The following GALNTL6 variants were observed in gnomAD, a reference collection of about 807,000 sequenced individuals.
GALNTL6 encodes the protein polypeptide N-acetylgalactosaminyltransferase like 6, also known as polypeptide N-acetylgalactosaminyltransferase-like 6.
A neutral mutation model predicts 73.7 loss-of-function variants in GALNTL6; 46 were observed. That is an observed-to-expected ratio of 0.62 (90% CI 0.49 to 0.80). The LOEUF (loss-of-function observed/expected upper bound fraction) is 0.80, where lower values mean the gene tolerates loss of function less well. Among genes scored for constraint, GALNTL6 ranks in the 30% least tolerant of loss-of-function variants. GALNTL6 has a pLI of 0.00. For missense variants in GALNTL6, 604 were observed against 755.0 expected (o/e 0.80, Z 2.34); for synonymous variants, 259 against 263.7 (o/e 0.98, Z 0.17).
intron 2 of GALNTL6, among the ~76,000 whole-genome samples, chr4:172,091,962 T>C (rs1579129602): frequency 6.6e-6 from 1 of 152,216 alleles, no homozygotes; most frequent in East Asian, 1.9e-4. Flanking sequence ...GGGTTAGTGA[T>C]TTTATGAGTC....
At chr4:172,533,321 T>TA (rs1735233862) in intron 5 of GALNTL6, among the ~76,000 whole-genome samples, 1 of 123,124 alleles carries the variant, frequency 8.1e-6, no homozygotes, top group Non-Finnish European at 1.7e-5. Context: ...CCAGAATTTT[T>TA]TTTTTTTTTT....
intron 2 of GALNTL6, among the ~76,000 whole-genome samples, chr4:171,885,880 A>G (rs955038273): frequency 2.0e-5 from 3 of 152,220 alleles, no homozygotes; most frequent in African/African-American, 7.2e-5. Context: ...ATATCATTTT[A>G]TATTCTTCTG....
intron 3 of GALNTL6, among the ~76,000 whole-genome samples, chr4:172,266,814 T>G (rs1273208966): frequency 1.3e-5 from 2 of 152,150 alleles, no homozygotes; most frequent in Non-Finnish European, 2.9e-5. Context: ...GTGAACACTG[T>G]GATCTTGGTC....
intron 2 of GALNTL6, among the ~76,000 whole-genome samples, chr4:172,002,292 G>A (rs1324124173): frequency 6.6e-6 from 1 of 152,124 alleles, no homozygotes; most frequent in African/African-American, 2.4e-5. Flanking sequence ...TCACAAGGGT[G>A]GAGCCCTTAC....
intron 2 of GALNTL6, among the ~76,000 whole-genome samples, chr4:172,182,737 C>T (rs1735292794): frequency 6.6e-6 from 1 of 151,476 alleles, no homozygotes; most frequent in African/African-American, 2.4e-5. Context: ...TTTAAATGTG[C>T]ATTTATTTTA....
Position 171,814,547 on chromosome 4 carries a change from C to T in GALNTL6, c.-34C>T. 6.2e-7 allele frequency: 1 copy of T among 1,611,510 alleles called. No individual in the cohort carries two copies. The highest frequency in any genetic ancestry group is 1.1e-5 in the South Asian group (1 of 90,982). On this transcript the variant is annotated 5_prime_UTR_variant, in exon 2 of 13. Coordinates refer to ENST00000506823, the MANE Select transcript of GALNTL6 (RefSeq NM_001034845.3). ...ACACAAGAAGCAGTCAGGGAGCCAT[C>T]TCCTTTAACTTTTCTTCTCTGTTAC...
chr4:171,899,479 G>T (rs1737019885), intron 2 of GALNTL6, among the ~76,000 whole-genome samples: 1 of 152,046 alleles, frequency 6.6e-6, no homozygotes, highest in Non-Finnish European at 1.5e-5. Flanking sequence ...TTTCCTAGCA[G>T]CAGGAAAATC....
chr4:172,263,317 A>C (rs1347068877), intron 3 of GALNTL6, among the ~76,000 whole-genome samples: 2 of 151,044 alleles, frequency 1.3e-5, no homozygotes, highest in African/African-American at 4.8e-5. Context: ...TTACTTTTTA[A>C]AATTTATTTT....
At chr4:172,617,242 T>TA (rs1738775710) in intron 5 of GALNTL6, among the ~76,000 whole-genome samples, 1 of 151,960 alleles carries the variant, frequency 6.6e-6, no homozygotes, top group African/African-American at 2.4e-5. Flanking sequence ...TGCATATTTT[T>TA]AAAAATGAGA....
chr4:171,885,624 AGT>A (rs966442790), intron 2 of GALNTL6, among the ~76,000 whole-genome samples: 3 of 152,014 alleles, frequency 2.0e-5, no homozygotes, highest in African/African-American at 7.2e-5. Flanking sequence ...TGGGAAACAC[AGT>A]GAGACCCTGT....
chr4:172,343,608 G>GT (rs1209471472), intron 4 of GALNTL6, among the ~76,000 whole-genome samples: 1 of 152,070 alleles, frequency 6.6e-6, no homozygotes, highest in Non-Finnish European at 1.5e-5. Context: ...TTAAGTATGT[G>GT]TTAAACAATA....
chr4:171,863,204 A>G (rs1735880143), intron 2 of GALNTL6, among the ~76,000 whole-genome samples: 1 of 152,224 alleles, frequency 6.6e-6, no homozygotes, highest in African/African-American at 2.4e-5. Flanking sequence ...CCCTAGAATT[A>G]AAAATGGTGA....
intron 2 of GALNTL6, among the ~76,000 whole-genome samples, chr4:171,993,670 G>A (rs190132150): frequency 3.3e-5 from 5 of 152,130 alleles, no homozygotes; most frequent in Middle Eastern, 3.4e-3. Context: ...AGATGCACAC[G>A]TGAGTATGGT....
At chr4:171,893,012 A>G (rs1180368886) in intron 2 of GALNTL6, among the ~76,000 whole-genome samples, 1 of 152,160 alleles carries the variant, frequency 6.6e-6, no homozygotes, top group Non-Finnish European at 1.5e-5. Flanking sequence ...ATCTGACAAT[A>G]ATAGGTAGTA....
chr4:173,008,045 C>T (rs1050890867), intron 10 of GALNTL6, among the ~76,000 whole-genome samples: 3 of 152,230 alleles, frequency 2.0e-5, no homozygotes, highest in African/African-American at 7.2e-5. Flanking sequence ...ATAACACTGT[C>T]TTTCCTATTT....
chr4:171,942,774 C>T (rs1033290021), intron 2 of GALNTL6, among the ~76,000 whole-genome samples: 4 of 152,198 alleles, frequency 2.6e-5, no homozygotes, highest in Non-Finnish European at 5.9e-5. Context: ...GAATTATATG[C>T]TCAATTACGA....
chr4:173,010,812 G>A (rs77922618), intron 11 of GALNTL6, among the ~76,000 whole-genome samples: 15,447 of 147,454 alleles, frequency 0.1, 921 homozygotes, highest in East Asian at 0.18. Flanking sequence ...TCACCATGTT[G>A]GCCAGAATGG....
At chr4:172,369,184 T>G (rs552391743) in intron 5 of GALNTL6, among the ~76,000 whole-genome samples, 7 of 152,246 alleles carry the variant, frequency 4.6e-5, no homozygotes, top group African/African-American at 1.7e-4. Context: ...TGCTGATTGG[T>G]GCATTTACAA....
In GALNTL6 at chr4:172,379,044, A is replaced by C. The variant is rs1743158163; in HGVS notation, c.553+30355A>C. The stretch of plus-strand genomic sequence containing the variant: ...TTTACTAAAACATAAGACTTACAGA[A>C]GTTTCCAGACAAGCCATACAAAATG... On this transcript the variant is annotated intron_variant, in intron 5 of 12. Transcript: ENST00000506823. 2.0e-5 allele frequency among the ~76,000 whole-genome samples: 3 copies of C among 152,196 alleles called. No individual in the cohort carries two copies. In the South Asian group the frequency reaches 6.2e-4, roughly 31 times the overall value.
Sources: allele counts gnomAD v4.1 joint callset (sites outside exome capture counted in the v4.1 genomes callset), GRCh38; gene constraint gnomAD v4.1.1; transcripts MANE v1.5; gene names NCBI Gene and HGNC (gene_info 2026-07-23, HGNC 2026-07-21).